The following BATF3 variants were observed in gnomAD, a reference collection of about 807,000 sequenced individuals.
BATF3 encodes the protein basic leucine zipper transcriptional factor ATF-like 3.
A neutral mutation model predicts 16.1 loss-of-function variants in BATF3; 8 were observed. The observed-to-expected ratio is 0.50, with a 90% CI of 0.29 to 0.90. The LOEUF (loss-of-function observed/expected upper bound fraction) is 0.90, where lower values mean the gene tolerates loss of function less well. Among genes scored for constraint, BATF3 ranks in the 40% least tolerant of loss-of-function variants. The probability of loss-of-function intolerance (pLI) is 0.08; values close to 1 mark genes in which losing one functional copy is unlikely to be tolerated. For synonymous variants in BATF3, 74 were observed against 72.7 expected, an observed-to-expected ratio of 1.02 and a Z score of -0.09; for missense variants, 139 against 167.0, an observed-to-expected ratio of 0.83 and a Z score of 0.92.
intron 2 of BATF3, among the ~76,000 whole-genome samples, chr1:212,693,608 C>T (rs1245701218): frequency 6.6e-6 from 1 of 152,148 alleles, no homozygotes; most frequent in Non-Finnish European, 1.5e-5. Context: ...GCTGGCATGA[C>T]TGTCATGCAA....
In BATF3 at chr1:212,686,592, C is replaced by A. The variant is rs1656854438; in HGVS notation, c.*199G>T. ...GAGGGTGGCCTCCATGCTGGATCTG[C>A]ACAAGGGCTCTGTGAGTTTGGCGCC... On this transcript the variant is annotated 3_prime_UTR_variant, in exon 3 of 3. Coordinates refer to ENST00000243440, the MANE Select transcript of BATF3 (RefSeq NM_018664.3). 2 of 859,646 alleles carry A rather than the reference C, an allele frequency of 2.3e-6. No homozygotes were observed. The highest frequency in any genetic ancestry group is 3.4e-6 in the Non-Finnish European group (2 of 580,548). 53.3% of individuals were successfully genotyped at this position (859,646 alleles called of 1,614,324 possible). A position where few individuals can be genotyped will look rare whatever the true frequency, so the allele number is the denominator to read the frequency against.
chr1:212,699,334 G>T lies in BATF3; in HGVS notation c.90+339C>A, dbSNP rs1252721150. Among the ~76,000 whole-genome samples the T allele has an allele frequency of 6.6e-6, 1 of 152,140 alleles. No homozygotes were observed. Among genetic ancestry groups the T allele is most frequent in the Non-Finnish European group, 1.5e-5 (1 of 67,992 alleles). On this transcript the variant is annotated intron_variant, in intron 1 of 2. Coordinates refer to ENST00000243440, the MANE Select transcript of BATF3 (RefSeq NM_018664.3). This position sits in a 1 kb window ranked among gnomAD's most constrained non-coding sequence, Gnocchi z 4.4. The stretch of plus-strand genomic sequence containing the variant: ...GGCAGTCGCTGGCTGCGCCAGGATG[G>T]GGCGGCCCTCAGGGCAGTGCGGAGC...
intron 1 of BATF3, chr1:212,698,766 A>C (rs1657189469): frequency 6.6e-6 from 1 of 152,264 alleles, no homozygotes; most frequent in South Asian, 2.1e-4. Context: ...CAAGACAGAA[A>C]GAGGTGAGCG....
Position 212,689,772 on chromosome 1 carries a change from C to T in BATF3, c.196-2793G>A, listed in dbSNP as rs143435214. On this transcript the variant is annotated intron_variant, in intron 2 of 2. Transcript: ENST00000243440. The surrounding 1 kb of genome is among the most constrained non-coding windows in gnomAD (Gnocchi z 4.6). ...ATACACATATACACACACTCACACACGTCCGCAAACACACTCACACACTCT... is the reference window on the plus strand; with the variant it reads ...ATACACATATACACACACTCACACATGTCCGCAAACACACTCACACACTCT... Among the ~76,000 whole-genome samples, 39 of 151,740 alleles carry T rather than the reference C, an allele frequency of 2.6e-4. No homozygotes were observed. Among genetic ancestry groups the T allele is most frequent in the African/African-American group, 8.5e-4 (35 of 41,384 alleles).
intron 2 of BATF3, among the ~76,000 whole-genome samples, chr1:212,694,327 G>A (rs1657075897): frequency 6.6e-6 from 1 of 152,212 alleles, no homozygotes; most frequent in South Asian, 2.1e-4. Context: ...AAATGTGTGA[G>A]AGTTTGTTTC....
chr1:212,687,996 A>AAAGAAAGAAAGAAAGAAAGG (rs1274002817), intron 2 of BATF3, among the ~76,000 whole-genome samples: 17 of 101,334 alleles, frequency 1.7e-4, no homozygotes, highest in South Asian at 6.0e-4. Context: ...AGAAAGAAAG[A>AAAGAAAGAAAGAAAGAAAGG]AAGGAAGGAA....
At chr1:212,687,979 G>GAAAGAAAGAAAGAAAA (rs1656889438) in intron 2 of BATF3, among the ~76,000 whole-genome samples, 1 of 91,456 alleles carries the variant, frequency 1.1e-5, no homozygotes, top group Non-Finnish European at 2.3e-5. Flanking sequence ...AAGAAAGAAA[G>GAAAGAAAGAAAGAAAA]AAAGAAAGAA....
chr1:212,699,264 C>A lies in BATF3; in HGVS notation c.90+409G>T, dbSNP rs549751227. ...TCCATTCCCGCGGCAGCACCCCCCC[C>A]ACCCGGGGGAATCCTGGAGGGGCTA... On this transcript the variant is annotated intron_variant, in intron 1 of 2. Coordinates refer to ENST00000243440, the MANE Select transcript of BATF3 (RefSeq NM_018664.3). This position sits in a 1 kb window ranked among gnomAD's most constrained non-coding sequence, Gnocchi z 4.4. Among the ~76,000 whole-genome samples, 38 of 152,288 alleles carry A rather than the reference C, an allele frequency of 2.5e-4. No individual in the cohort carries two copies. The highest frequency in any genetic ancestry group is 1.6e-3 in the Admixed American group (25 of 15,310).
At chr1:212,698,301 A>G (rs1338952670) in intron 1 of BATF3, 1 of 152,244 alleles carries the variant, frequency 6.6e-6, no homozygotes, top group Non-Finnish European at 1.5e-5. Flanking sequence ...TAGTGTCAAC[A>G]TGGTCTTGTG....
chr1:212,687,344 C>G (rs1000494757), intron 2 of BATF3: 13 of 244,314 alleles, frequency 5.3e-5, no homozygotes, highest in African/African-American at 2.8e-4. Flanking sequence ...CCGAAGATCT[C>G]TATTGGGTTC....
rs1215301870 is a variant in BATF3, at chr1:212,686,545, G to A, written c.*246C>T. 1.1e-5 allele frequency: 6 copies of A among 525,058 alleles called. No individual in the cohort carries two copies. Among genetic ancestry groups the A allele is most frequent in the Admixed American group, 9.5e-5 (3 of 31,542 alleles). The allele number at this position is 525,058 out of a possible 1,614,324, so 32.5% of individuals were successfully genotyped here. ...TAACAGCAGAACCTACTAGCTGCCA[G>A]GGTGGATGAGAAGTCACTCCTGAGG... On this transcript the variant is annotated 3_prime_UTR_variant, in exon 3 of 3. Transcript: ENST00000243440.
At position 212,687,358 on chromosome 1, in the gene BATF3, G is replaced by C. The variant is rs958680556; in HGVS notation, c.196-379C>G. 2.3e-5 allele frequency: 5 copies of C among 222,118 alleles called. No homozygotes were observed. In the Admixed American group the frequency reaches 2.5e-4, roughly 11 times the overall value. The allele number at this position is 222,118 out of a possible 1,614,324, so 13.8% of individuals were successfully genotyped here. ...TCCGAAGATCTCTATTGGGTTCACA[G>C]CTATATCCCCAGCACCTAGAACAGT... On this transcript the variant is annotated intron_variant, in intron 2 of 2. Coordinates refer to ENST00000243440, the MANE Select transcript of BATF3 (RefSeq NM_018664.3).
chr1:212,696,918 G>A (rs764956387), intron 2 of BATF3, 43 bp downstream of exon 2: 2 of 1,459,074 alleles, frequency 1.4e-6, no homozygotes, highest in South Asian at 2.3e-5. Context: ...GCAAGGCAGA[G>A]GCTGTGTGGC....
intron 2 of BATF3, among the ~76,000 whole-genome samples, chr1:212,690,102 A>G (rs1347182194): frequency 6.6e-6 from 1 of 152,202 alleles, no homozygotes; most frequent in Non-Finnish European, 1.5e-5. Flanking sequence ...TCCACCCTGC[A>G]GCAGGAAATG....
chr1:212,699,784 GC>G lies in BATF3; in HGVS notation c.-23del, dbSNP rs1365105574. On this transcript the variant is annotated 5_prime_UTR_variant, in exon 1 of 3. Transcript: ENST00000243440. The surrounding 1 kb of genome is among the most constrained non-coding windows in gnomAD (Gnocchi z 4.4). Reference sequence around the variant, plus strand: ...ACATGCCGGGCGCTCCTCTGGCCCGGCCCGCCCCGCCCCGCCCGCGCGCCCT... The same window carrying G: ...ACATGCCGGGCGCTCCTCTGGCCCGGCCGCCCCGCCCCGCCCGCGCGCCCT... 3 of 1,180,280 alleles carry G rather than the reference GC, an allele frequency of 2.5e-6. No individual in the cohort carries two copies. Among genetic ancestry groups the G allele is most frequent in the Non-Finnish European group, 3.1e-6 (3 of 955,576 alleles). The allele number at this position is 1,180,280 out of a possible 1,614,324, so 73.1% of individuals were successfully genotyped here. A position where few individuals can be genotyped will look rare whatever the true frequency, so the allele number is the denominator to read the frequency against.
Position 212,699,264 on chromosome 1 carries a change from C to CCCG in BATF3, c.90+408_90+409insCGG, listed in dbSNP as rs1553247692. Among the ~76,000 whole-genome samples, 12 of 152,286 alleles carry CCCG rather than the reference C, an allele frequency of 7.9e-5. No homozygotes were observed. Among genetic ancestry groups the CCCG allele is most frequent in the Middle Eastern group, 6.8e-3 (2 of 292 alleles). On this transcript the variant is annotated intron_variant, in intron 1 of 2. Coordinates refer to ENST00000243440, the MANE Select transcript of BATF3 (RefSeq NM_018664.3). This position sits in a 1 kb window ranked among gnomAD's most constrained non-coding sequence, Gnocchi z 4.4. ...TCCATTCCCGCGGCAGCACCCCCCCCACCCGGGGGAATCCTGGAGGGGCTA... is the reference window on the plus strand; with the variant it reads ...TCCATTCCCGCGGCAGCACCCCCCCCCCGACCCGGGGGAATCCTGGAGGGGCTA...
At position 212,697,051 on chromosome 1, in the gene BATF3, A is replaced by G. The variant is rs371103154; in HGVS notation, c.105T>C (p.Asp35=). 144 of 1,614,044 alleles carry G rather than the reference A, an allele frequency of 8.9e-5. No individual in the cohort carries two copies. The highest frequency in any genetic ancestry group is 1.1e-4 in the Non-Finnish European group (132 of 1,179,992). The change falls in exon 2 of 3, where the codon GAT becomes GAC. Residue 35 remains aspartate (D), a synonymous_variant. Coordinates refer to ENST00000243440, the MANE Select transcript of BATF3 (RefSeq NM_018664.3). ...PQPQQQSPED[D]DRKVRRREKN... ...TTTCTCTCCTTCGGACCTTCCTGTCATCATCCTCAGGGCTCTGGGGAAAAA... is the reference window on the plus strand; with the variant it reads ...TTTCTCTCCTTCGGACCTTCCTGTCGTCATCCTCAGGGCTCTGGGGAAAAA...
intron 2 of BATF3, among the ~76,000 whole-genome samples, chr1:212,692,146 C>T (rs954867635): frequency 7.9e-5 from 12 of 152,154 alleles, no homozygotes; most frequent in Non-Finnish European, 1.5e-4. Context: ...CTCGCCTTGA[C>T]GGACACTCCT....
chr1:212,687,184 G>A lies in BATF3; in HGVS notation c.196-205C>T, dbSNP rs551695328. Among the ~76,000 whole-genome samples, 31 of 152,270 alleles carry A rather than the reference G, an allele frequency of 2.0e-4. 1 individual carries two copies. In the South Asian group the frequency reaches 5.6e-3, roughly 28 times the overall value. On this transcript the variant is annotated intron_variant, in intron 2 of 2. Coordinates refer to ENST00000243440, the MANE Select transcript of BATF3 (RefSeq NM_018664.3). ...AACAATTTATTGAGGTATAACTTACGTAAAATAAAATGTATCTATTTTAAG... is the reference window on the plus strand; with the variant it reads ...AACAATTTATTGAGGTATAACTTACATAAAATAAAATGTATCTATTTTAAG...
Sources: allele counts gnomAD v4.1 joint callset (sites outside exome capture counted in the v4.1 genomes callset), GRCh38; gene constraint gnomAD v4.1.1; non-coding constraint Gnocchi (gnomAD v3.1); transcripts MANE v1.5; gene names NCBI Gene and HGNC (gene_info 2026-07-23, HGNC 2026-07-21).